Variants in TRAPPC12 observed in about 807,000 individuals in gnomAD.
The protein encoded by TRAPPC12 is trafficking protein particle complex subunit 12, also known as TPR repeat protein 15.
TRAPPC12 carries 61 observed loss-of-function variants against 69.2 expected under a neutral mutation model. That is an observed-to-expected ratio of 0.88 (90% confidence interval 0.72 to 1.09). The LOEUF is 1.09. Ranked by LOEUF, TRAPPC12 falls within the 50% of genes least tolerant of loss-of-function variation. The pLI, the probability that TRAPPC12 is intolerant of heterozygous loss-of-function variation, is 0.00. For synonymous variants in TRAPPC12, 469 were observed against 438.9 expected, an observed-to-expected ratio of 1.07 and a Z score of -0.86; for missense variants, 1,101 against 1,016.4, an observed-to-expected ratio of 1.08 and a Z score of -1.13.
chr2:3,475,957 G>A (rs568886207), intron 9 of TRAPPC12, among the ~76,000 whole-genome samples: 1 of 152,334 alleles, frequency 6.6e-6, no homozygotes, highest in Non-Finnish European at 1.5e-5. Context: ...TCAGTTCAGT[G>A]TCTCACACGG....
intron 3 of TRAPPC12, among the ~76,000 whole-genome samples, chr2:3,404,937 G>A (rs1661647806): frequency 6.6e-6 from 1 of 152,048 alleles, no homozygotes; most frequent in African/African-American, 2.4e-5. Context: ...AGATTAGTCT[G>A]GAGAAAGATG....
intron 6 of TRAPPC12, chr2:3,457,289 G>A (rs533727783): frequency 2.3e-6 from 1 of 434,416 alleles, no homozygotes; most frequent in Non-Finnish European, 4.5e-6. Context: ...GACTACCAGT[G>A]GGGGGAGGGT....
chr2:3,466,025 G>A lies in TRAPPC12; in HGVS notation c.1776+330G>A, dbSNP rs376870463. ...GAGGAATCTCAGTTCAGCTTATCCC[G>A]TAATAGTCACTCGCTGATATTTTGC... On this transcript the variant is annotated intron_variant, in intron 9 of 11. Transcript: ENST00000324266. Among the ~76,000 whole-genome samples, 6 of 152,340 alleles carry A rather than the reference G, an allele frequency of 3.9e-5. No homozygotes were observed. In the East Asian group the frequency reaches 5.8e-4, roughly 15 times the overall value.
chr2:3,381,271 G>A (rs146323302), intron 1 of TRAPPC12, among the ~76,000 whole-genome samples: 2 of 152,262 alleles, frequency 1.3e-5, no homozygotes, highest in African/African-American at 4.8e-5. Context: ...ACACCCTCGT[G>A]CCCTTATGGA....
intron 3 of TRAPPC12, among the ~76,000 whole-genome samples, chr2:3,408,065 G>T (rs1348205546): frequency 2.0e-5 from 3 of 152,152 alleles, no homozygotes; most frequent in Non-Finnish European, 4.4e-5. Context: ...GGCTCTGCTA[G>T]TTCCACATCA....
chr2:3,432,468 T>C (rs1486438195), intron 5 of TRAPPC12, among the ~76,000 whole-genome samples: 2 of 152,346 alleles, frequency 1.3e-5, no homozygotes, highest in East Asian at 3.9e-4. Flanking sequence ...CTTTTTTTTA[T>C]CAACACATAA....
At chr2:3,424,091 C>G (rs1478565477) in intron 4 of TRAPPC12, among the ~76,000 whole-genome samples, 2 of 152,250 alleles carry the variant, frequency 1.3e-5, no homozygotes, top group African/African-American at 2.4e-5. Flanking sequence ...CTAGGTGGCG[C>G]ATTCCTTTGG....
intron 2 of TRAPPC12, among the ~76,000 whole-genome samples, chr2:3,391,723 A>G (rs966122105): frequency 2.0e-5 from 3 of 151,772 alleles, no homozygotes; most frequent in African/African-American, 7.3e-5. Flanking sequence ...GATGTGTGGG[A>G]TTGGATTTAT....
intron 3 of TRAPPC12, 152 bp from the exon 4 acceptor site, chr2:3,421,729 G>T (rs564727517): frequency 1.3e-6 from 1 of 748,764 alleles, no homozygotes; most frequent in East Asian, 2.7e-5. Flanking sequence ...CCTCCGTGCC[G>T]TCAGCACACT....
chr2:3,469,219 C>G (rs1479263344), intron 9 of TRAPPC12, among the ~76,000 whole-genome samples: 2 of 152,168 alleles, frequency 1.3e-5, no homozygotes, highest in East Asian at 3.8e-4. Context: ...GTACCTGTAT[C>G]TTAATTATAC....
chr2:3,409,293 A>C (rs1232674711), intron 3 of TRAPPC12, among the ~76,000 whole-genome samples: 1 of 152,240 alleles, frequency 6.6e-6, no homozygotes, highest in Non-Finnish European at 1.5e-5. Context: ...TCCTGTGCCT[A>C]GAAATGTTTT....
At chr2:3,460,078 A>G (rs886402755) in intron 7 of TRAPPC12, 185 bp from the exon 8 acceptor site, 4 of 669,632 alleles carry the variant, frequency 6.0e-6, no homozygotes, top group Middle Eastern at 3.0e-4. Context: ...TCTGGTCCCA[A>G]TGCGAGTGCT....
At chr2:3,409,776 A>AG (rs1661949241) in intron 3 of TRAPPC12, among the ~76,000 whole-genome samples, 1 of 149,506 alleles carries the variant, frequency 6.7e-6, no homozygotes, top group African/African-American at 2.5e-5. Flanking sequence ...AAAAAAAAAA[A>AG]AAGGGGAAGA....
intron 2 of TRAPPC12, among the ~76,000 whole-genome samples, chr2:3,398,577 T>C (rs557940318): frequency 6.6e-6 from 1 of 152,340 alleles, no homozygotes; most frequent in South Asian, 2.1e-4. Context: ...ATTTGTGTCT[T>C]TGGGCTTCCC....
chr2:3,387,918 G>C lies in TRAPPC12; in HGVS notation c.295G>C (p.Asp99His). 1 of 1,531,058 alleles carries C rather than the reference G, an allele frequency of 6.5e-7. No homozygotes were observed. The highest frequency in any genetic ancestry group is 8.8e-7 in the Non-Finnish European group (1 of 1,138,886). The allele number at this position is 1,531,058 out of a possible 1,614,324, so 94.8% of individuals were successfully genotyped here. ...CGAAGCTGAGCCCGGAGGGGAAGGC[G>C]ACCCAGGCCCGGAGCCCGCGGGCAC... ...RDEAEPGGEG[D>H]PGPEPAGTPS... The change falls in exon 2 of 12, where the codon GAC becomes CAC. Residue 99 changes from aspartate (D) to histidine (H), a missense_variant. Transcript: ENST00000324266.
At chr2:3,401,218 G>A (rs1661426731) in intron 2 of TRAPPC12, among the ~76,000 whole-genome samples, 1 of 152,220 alleles carries the variant, frequency 6.6e-6, no homozygotes, top group South Asian at 2.1e-4. Context: ...GGTGACCTCA[G>A]CACTGAAGAG....
intron 8 of TRAPPC12, among the ~76,000 whole-genome samples, chr2:3,464,348 G>T (rs1251305843): frequency 6.6e-6 from 1 of 152,124 alleles, no homozygotes; most frequent in African/African-American, 2.4e-5. Flanking sequence ...GAAGGTACTA[G>T]ACTGGAGAGA....
At chr2:3,455,064 C>T (rs1572186494) in intron 6 of TRAPPC12, 1 of 152,252 alleles carries the variant, frequency 6.6e-6, no homozygotes, top group South Asian at 2.1e-4. Flanking sequence ...ACCTGGTGCG[C>T]CACACCCCGG....
intron 9 of TRAPPC12, among the ~76,000 whole-genome samples, chr2:3,476,321 G>C (rs1018958994): frequency 6.6e-6 from 1 of 152,204 alleles, no homozygotes; most frequent in East Asian, 1.9e-4. Context: ...TCCTACGTTA[G>C]AGAGGAAGGC....
Sources: gnomAD v4.1 joint callset for allele counts (sites outside exome capture counted in the v4.1 genomes callset) on GRCh38, gnomAD v4.1.1 for gene constraint, MANE v1.5 for transcripts, NCBI Gene and HGNC (gene_info 2026-07-23, HGNC 2026-07-21) for gene names.